The following CATSPERE variants were observed in gnomAD, a reference collection of about 807,000 sequenced individuals.
The protein encoded by CATSPERE is catsper channel auxiliary subunit epsilon.
A neutral mutation model predicts 114.1 loss-of-function variants in CATSPERE; 93 were observed. That is an observed-to-expected ratio of 0.81 (90% CI 0.69 to 0.97). The LOEUF (loss-of-function observed/expected upper bound fraction) is 0.97, where lower values mean the gene tolerates loss of function less well. Ranked by LOEUF, CATSPERE falls within the 50% of genes least tolerant of loss-of-function variation. The pLI is 0.00. For synonymous variants in CATSPERE, 341 were observed against 384.1 expected, an observed-to-expected ratio of 0.89 and a Z score of 1.31; for missense variants, 1,058 against 1,131.6, an observed-to-expected ratio of 0.93 and a Z score of 0.93.
At position 244,511,703 on chromosome 1, in the gene CATSPERE, A is replaced by G. The variant is rs528111518; in HGVS notation, c.430-6889A>G. 8.5e-5 allele frequency among the ~76,000 whole-genome samples: 13 copies of G among 152,276 alleles called. 1 individual carries two copies. In the East Asian group the frequency reaches 9.6e-4, roughly 11 times the overall value. ...AGATACCATCCTTTCACTTCCAGATATAGGACTTCCTTAAGCATTTCTTGT... is the reference window on the plus strand; with the variant it reads ...AGATACCATCCTTTCACTTCCAGATGTAGGACTTCCTTAAGCATTTCTTGT... On this transcript the variant is annotated intron_variant, in intron 7 of 21. Coordinates refer to ENST00000366534, the MANE Select transcript of CATSPERE (RefSeq NM_001130957.2).
In CATSPERE at chr1:244,573,536, C is replaced by G. The variant is rs1048865643; in HGVS notation, c.1950+764C>G. Among the ~76,000 whole-genome samples, 1 of 152,208 alleles carries G rather than the reference C, an allele frequency of 6.6e-6. No individual in the cohort carries two copies. Among genetic ancestry groups the G allele is most frequent in the African/African-American group, 2.4e-5 (1 of 41,452 alleles). Reference sequence around the variant, plus strand: ...GGGTTCGTGGATGTGATGTGGGCATCTGCTAATTCGTCTGCAACTACATGA... The same window carrying G: ...GGGTTCGTGGATGTGATGTGGGCATGTGCTAATTCGTCTGCAACTACATGA... On this transcript the variant is annotated intron_variant, in intron 11 of 21. Transcript: ENST00000366534. The surrounding 1 kb of genome is among the most constrained non-coding windows in gnomAD (Gnocchi z 4.0).
chr1:244,580,355 A>C (rs1443336383), intron 11 of CATSPERE, among the ~76,000 whole-genome samples: 1 of 151,708 alleles, frequency 6.6e-6, no homozygotes, highest in Non-Finnish European at 1.5e-5. Flanking sequence ...TGAGTCTTAC[A>C]TCCTATAGGA....
At chr1:244,571,798 T>C (rs1341608517) in intron 10 of CATSPERE, among the ~76,000 whole-genome samples, 1 of 152,182 alleles carries the variant, frequency 6.6e-6, no homozygotes, top group African/African-American at 2.4e-5. Flanking sequence ...TCTTGCTGTG[T>C]CCTCATGTGG....
chr1:244,477,155 C>G (rs952559186), intron 2 of CATSPERE, among the ~76,000 whole-genome samples: 5 of 152,044 alleles, frequency 3.3e-5, no homozygotes, highest in Admixed American at 2.6e-4. Flanking sequence ...GCCACCACGC[C>G]CAGCTAATTT....
chr1:244,582,292 C>T (rs1321474277), intron 12 of CATSPERE, among the ~76,000 whole-genome samples: 1 of 152,168 alleles, frequency 6.6e-6, no homozygotes, highest in East Asian at 1.9e-4. Flanking sequence ...GGAAGACAAC[C>T]AACATGGAAT....
At chr1:244,571,890 C>G (rs1255922118) in intron 10 of CATSPERE, among the ~76,000 whole-genome samples, 1 of 152,010 alleles carries the variant, frequency 6.6e-6, no homozygotes, top group Admixed American at 6.6e-5. Context: ...GGACTAGGAC[C>G]CCCTGCTTCT....
intron 8 of CATSPERE, among the ~76,000 whole-genome samples, chr1:244,544,122 C>T (rs564484913): frequency 4.6e-5 from 7 of 152,104 alleles, no homozygotes; most frequent in African/African-American, 1.4e-4. Context: ...TGTCTATAGA[C>T]CCAAAAGCCC....
In CATSPERE at chr1:244,461,357, C is replaced by T; in HGVS notation, c.-73C>T. 8.0e-7 allele frequency: 1 copy of T among 1,250,430 alleles called. No homozygotes were observed. Among genetic ancestry groups the T allele is most frequent in the Non-Finnish European group, 1.0e-6 (1 of 980,642 alleles). The allele number at this position is 1,250,430 out of a possible 1,614,324, so 77.5% of individuals were successfully genotyped here. A position where few individuals can be genotyped will look rare whatever the true frequency, so the allele number is the denominator to read the frequency against. On this transcript the variant is annotated 5_prime_UTR_variant, in exon 1 of 22. Coordinates refer to ENST00000366534, the MANE Select transcript of CATSPERE (RefSeq NM_001130957.2). ...AGGCGCCTGCAGCCGCCCGCCGGGC[C>T]GACGTCCCACGGGAATGCGCGAGGC... is the stretch of plus-strand genomic sequence containing the variant.
At chr1:244,523,877 A>G (rs1479274991) in intron 8 of CATSPERE, among the ~76,000 whole-genome samples, 3 of 149,126 alleles carry the variant, frequency 2.0e-5, no homozygotes, top group African/African-American at 7.6e-5. Context: ...GTTCATGGGT[A>G]GGAAGAATCA....
rs930995938 is a variant in CATSPERE at position 244,463,918 on chromosome 1, A to G, written c.76A>G (p.Asn26Asp). 2.5e-6 allele frequency: 4 copies of G among 1,600,582 alleles called. No individual in the cohort carries two copies. The African/African-American group carries it at 5.4e-5, about 21-fold the overall frequency. ...CCTCTTCCTCCACAGGTATTCCACT[A>G]ACAGCCCAAACTATCGCATTTTTAG... ...YGSALWRYST[N>D]SPNYRIFSTR... Residue 26 changes from asparagine to aspartate, a missense_variant, in exon 2 of 22, where the codon AAC (asparagine) becomes GAC (aspartate). By Grantham distance (23) the Asn-to-Asp change is conservative. Transcript: ENST00000366534.
intron 20 of CATSPERE, among the ~76,000 whole-genome samples, chr1:244,624,128 A>ATTTTTTTTTTTTT (rs58744339): frequency 3.2e-5 from 4 of 125,944 alleles, no homozygotes; most frequent in Non-Finnish European, 6.6e-5. Flanking sequence ...TGCCCAGCTA[A>ATTTTTTTTTTTTT]TTTTTTTTTT....
At position 244,461,486 on chromosome 1, in the gene CATSPERE, C is replaced by G; in HGVS notation, c.57C>G (p.Ala19=). 3 of 1,325,596 alleles carry G rather than the reference C, an allele frequency of 2.3e-6. No individual in the cohort carries two copies. Among genetic ancestry groups the G allele is most frequent in the Non-Finnish European group, 2.9e-6 (3 of 1,029,984 alleles). The allele number at this position is 1,325,596 out of a possible 1,614,324, so 82.1% of individuals were successfully genotyped here. ...TGTGGCTGAGCTGCTATGGCTCCGC[C>G]CTTTGGAGGTAGAGAGACGCCAGTC... ...LLLWLSCYGS[A]LWRYSTNSPN... is the part of the protein sequence containing the mutation. Residue 19 remains alanine, a synonymous_variant, in exon 1 of 22, where the codon GCC becomes GCG. Transcript: ENST00000366534.
intron 8 of CATSPERE, among the ~76,000 whole-genome samples, chr1:244,537,017 T>C (rs1420775565): frequency 6.6e-6 from 1 of 152,088 alleles, no homozygotes; most frequent in Non-Finnish European, 1.5e-5. Flanking sequence ...ATTTATACCA[T>C]CCCAATGTGA....
intron 10 of CATSPERE, among the ~76,000 whole-genome samples, chr1:244,571,952 C>G (rs2148575047): frequency 6.6e-6 from 1 of 152,282 alleles, no homozygotes; most frequent in South Asian, 2.1e-4. Flanking sequence ...CAAATACAGT[C>G]TCATTGGACG....
At chr1:244,485,522 T>A (rs192253745) in intron 5 of CATSPERE, among the ~76,000 whole-genome samples, 2 of 152,082 alleles carry the variant, frequency 1.3e-5, no homozygotes, top group Non-Finnish European at 2.9e-5. Context: ...TTTTTTTTTC[T>A]TTCTAGATTT....
chr1:244,626,305 G>A (rs2148733687), intron 20 of CATSPERE, among the ~76,000 whole-genome samples: 1 of 152,034 alleles, frequency 6.6e-6, no homozygotes, highest in East Asian at 1.9e-4. Flanking sequence ...GACCAACACT[G>A]TGAAACCCTA....
chr1:244,617,782 T>TC, intron 20 of CATSPERE, 96 bp downstream of exon 20: 1 of 1,072,252 alleles, frequency 9.3e-7, no homozygotes, highest in Non-Finnish European at 1.3e-6. Flanking sequence ...TCATTGTTAT[T>TC]CTTGTTATTT....
In CATSPERE at chr1:244,556,245, T is replaced by G. The variant is rs796308446; in HGVS notation, c.1029+3431T>G. 2.3e-4 allele frequency among the ~76,000 whole-genome samples: 35 copies of G among 151,956 alleles called. 1 individual carries two copies. Among genetic ancestry groups the G allele is most frequent in the African/African-American group, 8.4e-4 (35 of 41,454 alleles). On this transcript the variant is annotated intron_variant, in intron 9 of 21. Coordinates refer to ENST00000366534, the MANE Select transcript of CATSPERE (RefSeq NM_001130957.2). ...TTAAGTGGATGTATTGTAACCCTGA[T>G]AGCAACCACTAAAAAAATTTATACA... is the stretch of plus-strand genomic sequence containing the variant.
rs1669898756 is a variant in CATSPERE, at chr1:244,605,738, A to T, written c.2347A>T (p.Ile783Leu). 1.2e-6 allele frequency: 2 copies of T among 1,613,664 alleles called. No homozygotes were observed. The highest frequency in any genetic ancestry group is 1.7e-6 in the Non-Finnish European group (2 of 1,179,672). Residue 783 changes from isoleucine (I) to leucine (L), a missense_variant, in exon 18 of 22, where the codon ATA becomes TTA. Ile to Leu is a conservative substitution (Grantham distance 5). Coordinates refer to ENST00000366534, the MANE Select transcript of CATSPERE (RefSeq NM_001130957.2). ...GYVKDVEANF[I>L]VWEIHGRDDY... ...TGTTAAAGACGTTGAAGCAAATTTCATAGTGTGGGAAATACACGGCAGGGA... is the reference window on the plus strand; with the variant it reads ...TGTTAAAGACGTTGAAGCAAATTTCTTAGTGTGGGAAATACACGGCAGGGA...
Sources: gnomAD v4.1 joint callset for allele counts (sites outside exome capture counted in the v4.1 genomes callset) on GRCh38, gnomAD v4.1.1 for gene constraint, Gnocchi (gnomAD v3.1) non-coding constraint, MANE v1.5 for transcripts, NCBI Gene and HGNC (gene_info 2026-07-23, HGNC 2026-07-21) for gene names.